Variants in ADAMTS17 observed in about 807,000 individuals in gnomAD.
ADAMTS17 encodes the protein A disintegrin and metalloproteinase with thrombospondin motifs 17.
Under a neutral mutation model 141.5 loss-of-function variants are expected in ADAMTS17, and 113 were observed. The observed-to-expected ratio is 0.80, with a 90% CI of 0.69 to 0.93. The LOEUF is 0.93. ADAMTS17 is among the 40% of genes least tolerant of loss of function. ADAMTS17 has a pLI of 0.00. For missense variants in ADAMTS17, 1,659 were observed against 1,517.9 expected (o/e 1.09, Z -1.54); for synonymous variants, 768 against 630.6 (o/e 1.22, Z -3.27).
At chr15:100,308,556 T>C (rs751450101) in intron 3 of ADAMTS17, among the ~76,000 whole-genome samples, 23 of 152,322 alleles carry the variant, frequency 1.5e-4, no homozygotes, top group Admixed American at 8.5e-4. Flanking sequence ...AGGTAGTTAC[T>C]GATGTATCAT....
chr15:100,223,902 G>A (rs942372122), intron 7 of ADAMTS17, among the ~76,000 whole-genome samples: 1 of 152,104 alleles, frequency 6.6e-6, no homozygotes, highest in African/African-American at 2.4e-5. Context: ...TGCAAGCTGA[G>A]GAGCAAGGAG....
At chr15:100,154,292 C>T (rs887369934) in intron 9 of ADAMTS17, among the ~76,000 whole-genome samples, 3 of 152,216 alleles carry the variant, frequency 2.0e-5, no homozygotes, top group Admixed American at 6.5e-5. Context: ...ATCAAATACT[C>T]AGTGGGAAGT....
chr15:99,978,082 G>A (rs1400966320), intron 20 of ADAMTS17, among the ~76,000 whole-genome samples: 2 of 152,208 alleles, frequency 1.3e-5, no homozygotes, highest in Admixed American at 6.5e-5. Context: ...CAGGTGCCCC[G>A]CAGATCCTGT....
chr15:100,318,151 G>A (rs962163894), intron 3 of ADAMTS17, among the ~76,000 whole-genome samples: 1 of 152,048 alleles, frequency 6.6e-6, no homozygotes, highest in East Asian at 1.9e-4. Flanking sequence ...TTTCTGACAC[G>A]CCTGAGTCCA....
chr15:100,329,310 G>A (rs997171236), intron 3 of ADAMTS17, among the ~76,000 whole-genome samples: 8 of 152,110 alleles, frequency 5.3e-5, no homozygotes, highest in Admixed American at 5.2e-4. Context: ...AGGCCAAGGC[G>A]AGAGGATCAC....
At chr15:100,088,568 C>G (rs1261497069) in intron 15 of ADAMTS17, among the ~76,000 whole-genome samples, 5 of 152,082 alleles carry the variant, frequency 3.3e-5, no homozygotes, top group Non-Finnish European at 7.3e-5. Flanking sequence ...CTGGAGGCAT[C>G]ACACTACCTG....
intron 4 of ADAMTS17, among the ~76,000 whole-genome samples, chr15:100,272,982 A>G (rs894402277): frequency 6.6e-6 from 1 of 152,010 alleles, no homozygotes; most frequent in Non-Finnish European, 1.5e-5. Flanking sequence ...TTAATCAAGT[A>G]TATCACTTTT....
chr15:100,193,357 T>G (rs1356173660), intron 8 of ADAMTS17, among the ~76,000 whole-genome samples: 1 of 151,942 alleles, frequency 6.6e-6, no homozygotes, highest in Non-Finnish European at 1.5e-5. Flanking sequence ...AGTGGTGAGG[T>G]GCATGGAACT....
At chr15:100,320,064 G>A (rs1230902986) in intron 3 of ADAMTS17, among the ~76,000 whole-genome samples, 2 of 152,118 alleles carry the variant, frequency 1.3e-5, no homozygotes, top group Non-Finnish European at 2.9e-5. Flanking sequence ...ATATAATTGC[G>A]AAAATTAAAA....
At chr15:100,013,722 C>T (rs2061232799) in intron 18 of ADAMTS17, among the ~76,000 whole-genome samples, 1 of 152,128 alleles carries the variant, frequency 6.6e-6, no homozygotes, top group Admixed American at 6.5e-5. Flanking sequence ...CCCTGCATCC[C>T]TGGTATGAAA....
intron 6 of ADAMTS17, among the ~76,000 whole-genome samples, chr15:100,258,033 T>G (rs1170094185): frequency 6.6e-6 from 1 of 152,248 alleles, no homozygotes; most frequent in Non-Finnish European, 1.5e-5. Flanking sequence ...ATCCATGTTG[T>G]AGCGCGTGTC....
intron 18 of ADAMTS17, among the ~76,000 whole-genome samples, chr15:100,009,972 C>A (rs574201090): frequency 2.0e-5 from 3 of 152,108 alleles, no homozygotes; most frequent in Non-Finnish European, 2.9e-5. Context: ...TCCCATGTGT[C>A]GTGGGAGGGA....
chr15:100,179,462 T>C (rs926644736), intron 8 of ADAMTS17, among the ~76,000 whole-genome samples: 18 of 152,218 alleles, frequency 1.2e-4, no homozygotes, highest in Non-Finnish European at 1.9e-4. Context: ...AACACTTTGG[T>C]TGCTTCCAAA....
intron 15 of ADAMTS17, among the ~76,000 whole-genome samples, chr15:100,081,334 T>C (rs1342051102): frequency 6.6e-6 from 1 of 152,176 alleles, no homozygotes; most frequent in African/African-American, 2.4e-5. Context: ...CGTAAGTTAA[T>C]ACTTAATAAA....
chr15:100,316,127 T>A (rs552955917), intron 3 of ADAMTS17, among the ~76,000 whole-genome samples: 1 of 152,208 alleles, frequency 6.6e-6, no homozygotes, highest in African/African-American at 2.4e-5. Context: ...CTTTCTTAAG[T>A]TACTAGCATT....
chr15:100,067,280 T>C (rs904834094), intron 15 of ADAMTS17, among the ~76,000 whole-genome samples: 2 of 151,782 alleles, frequency 1.3e-5, no homozygotes, highest in Non-Finnish European at 2.9e-5. Flanking sequence ...CTCAGCAATA[T>C]TCCTTCAACA....
At chr15:100,273,661 T>C (rs1420777646) in intron 4 of ADAMTS17, among the ~76,000 whole-genome samples, 2 of 152,196 alleles carry the variant, frequency 1.3e-5, no homozygotes, top group East Asian at 3.8e-4. Flanking sequence ...TTGGCTCTAT[T>C]GTTTTTCTGT....
intron 15 of ADAMTS17, among the ~76,000 whole-genome samples, chr15:100,069,144 C>G (rs906776299): frequency 1.3e-5 from 2 of 151,836 alleles, no homozygotes; most frequent in Non-Finnish European, 2.9e-5. Context: ...AGGGTATCAG[C>G]AATGGAAGAT....
At chr15:100,150,196 G>A (rs541193138) in intron 10 of ADAMTS17, among the ~76,000 whole-genome samples, 1 of 152,324 alleles carries the variant, frequency 6.6e-6, no homozygotes, top group East Asian at 1.9e-4. Context: ...TGGATTTTGA[G>A]CTTCTAGGGA....
Sources: gnomAD v4.1 joint callset for allele counts (sites outside exome capture counted in the v4.1 genomes callset) on GRCh38, gnomAD v4.1.1 for gene constraint, MANE v1.5 for transcripts, NCBI Gene and HGNC (gene_info 2026-07-23, HGNC 2026-07-21) for gene names.